The following VRK2 variants were observed in gnomAD, a reference collection of about 807,000 sequenced individuals.
The protein encoded by VRK2 is VRK serine/threonine kinase 2.
In VRK2, 60 loss-of-function variants were observed where a neutral mutation model predicts 57.6. That is an observed-to-expected ratio of 1.04 (90% confidence interval 0.85 to 1.29). The LOEUF (loss-of-function observed/expected upper bound fraction) is 1.29, where lower values mean the gene tolerates loss of function less well. Ranked by LOEUF, VRK2 falls within the 50% of genes most tolerant of loss-of-function variation. The probability of loss-of-function intolerance (pLI) is 0.00; values close to 1 mark genes in which losing one functional copy is unlikely to be tolerated. For synonymous variants in VRK2, 231 were observed against 199.2 expected (o/e 1.16, Z -1.35); for missense variants, 705 against 588.1 (o/e 1.20, Z -2.06).
intron 7 of VRK2, among the ~76,000 whole-genome samples, chr2:58,098,045 T>G (rs549171317): frequency 1.3e-5 from 2 of 152,010 alleles, no homozygotes; most frequent in Non-Finnish European, 2.9e-5. Flanking sequence ...GACAGTGATA[T>G]TCATGATCTT....
At chr2:58,095,769 T>C (rs767835786) in intron 7 of VRK2, among the ~76,000 whole-genome samples, 2 of 152,152 alleles carry the variant, frequency 1.3e-5, no homozygotes, top group Non-Finnish European at 2.9e-5. Flanking sequence ...AATTGCATTG[T>C]CTAATACATT....
chr2:57,962,558 C>T (rs993208622), intron 1 of VRK2, among the ~76,000 whole-genome samples: 6 of 151,996 alleles, frequency 3.9e-5, no homozygotes, highest in African/African-American at 7.2e-5. Context: ...GTTTTTCGAT[C>T]CTCTCCCTCC....
At chr2:58,098,338 C>T (rs769197829) in intron 7 of VRK2, among the ~76,000 whole-genome samples, 5 of 151,964 alleles carry the variant, frequency 3.3e-5, no homozygotes, top group Non-Finnish European at 7.4e-5. Flanking sequence ...ATGTAGCCTA[C>T]GTGTACAGTG....
intron 1 of VRK2, among the ~76,000 whole-genome samples, chr2:57,942,769 A>T (rs1414429707): frequency 6.6e-6 from 1 of 152,200 alleles, no homozygotes; most frequent in Admixed American, 6.5e-5. Flanking sequence ...GTTCAAATTT[A>T]ATATTATCCA....
At chr2:57,912,350 A>G (rs1670013254) in intron 1 of VRK2, among the ~76,000 whole-genome samples, 1 of 152,252 alleles carries the variant, frequency 6.6e-6, no homozygotes, top group African/African-American at 2.4e-5. Flanking sequence ...CAAGGGACAC[A>G]TTACTGCATG....
At chr2:58,091,387 T>A (rs1028629569) in intron 7 of VRK2, among the ~76,000 whole-genome samples, 4 of 152,134 alleles carry the variant, frequency 2.6e-5, no homozygotes, top group African/African-American at 4.8e-5. Context: ...AACCTAAAAC[T>A]TCTCTAAAAA....
intron 8 of VRK2, among the ~76,000 whole-genome samples, chr2:58,127,996 G>A (rs983960561): frequency 7.9e-5 from 12 of 152,056 alleles, no homozygotes; most frequent in Non-Finnish European, 1.6e-4. Flanking sequence ...GGACTAGTTC[G>A]CTAAGATAAC....
chr2:57,908,276 C>T lies in VRK2; in HGVS notation c.-439+437C>T, dbSNP rs367986887. Among the ~76,000 whole-genome samples the T allele has an allele frequency of 3.5e-4, 54 of 152,186 alleles. 1 individual carries two copies. In the South Asian group the frequency reaches 0.011, roughly 30 times the overall value. Reference sequence around the variant, plus strand: ...GTATGATTTAAAGATGTTGCTTTGCCTCTTACAATTTGCACAGCTTTTGCC... The same window carrying T: ...GTATGATTTAAAGATGTTGCTTTGCTTCTTACAATTTGCACAGCTTTTGCC... On this transcript the variant is annotated intron_variant, in intron 1 of 15. Transcript: ENST00000417641.
chr2:57,982,719 C>T (rs542731188), intron 1 of VRK2, among the ~76,000 whole-genome samples: 1 of 152,162 alleles, frequency 6.6e-6, no homozygotes, highest in African/African-American at 2.4e-5. Flanking sequence ...TCAGATCAGA[C>T]TTACCCTGTC....
chr2:58,073,490 G>C (rs1203748041), intron 2 of VRK2, among the ~76,000 whole-genome samples: 1 of 151,638 alleles, frequency 6.6e-6, no homozygotes, highest in Admixed American at 6.6e-5. Flanking sequence ...ACATTCTGTT[G>C]GTAGTATATA....
intron 1 of VRK2, among the ~76,000 whole-genome samples, chr2:58,015,096 G>C (rs990069128): frequency 1.3e-5 from 2 of 152,006 alleles, no homozygotes; most frequent in Non-Finnish European, 2.9e-5. Flanking sequence ...TTTTTATCCT[G>C]GTAGTGGCTA....
intron 8 of VRK2, among the ~76,000 whole-genome samples, chr2:58,131,102 G>T (rs548883992): frequency 1.7e-3 from 253 of 151,836 alleles, no homozygotes; most frequent in Admixed American, 3.0e-3. Context: ...GCCTCTATTT[G>T]GCTCTCCCCC....
At chr2:57,925,290 T>C (rs1406804158) in intron 1 of VRK2, among the ~76,000 whole-genome samples, 1 of 152,160 alleles carries the variant, frequency 6.6e-6, no homozygotes, top group East Asian at 1.9e-4. Context: ...TGATATTAGT[T>C]CTTCAAATGT....
chr2:58,159,473 T>C lies in VRK2; in HGVS notation c.1307T>C (p.Phe436Ser). The change falls in exon 13 of 13, where the codon TTT becomes TCT. Residue 436 changes from phenylalanine to serine, a missense_variant. By Grantham distance (155) the Phe-to-Ser change is radical (BLOSUM62 -2). Transcript: ENST00000340157. ...TCATTTTATGAGCCTCATCAAGATT[T>C]TACCAGTCCAGATATATTCAAGAAG... ...PNSFYEPHQD[F>S]TSPDIFKKSR... 6.2e-7 allele frequency: 1 copy of C among 1,613,776 alleles called. No homozygotes were observed. The highest frequency in any genetic ancestry group is 1.1e-5 in the South Asian group (1 of 91,062).
chr2:57,984,493 G>C (rs754877222), intron 1 of VRK2, among the ~76,000 whole-genome samples: 3 of 152,126 alleles, frequency 2.0e-5, no homozygotes, highest in Non-Finnish European at 4.4e-5. Flanking sequence ...GTATGGATAA[G>C]TGCTAAAAGG....
chr2:57,940,095 A>G (rs1267112895), intron 1 of VRK2, among the ~76,000 whole-genome samples: 1 of 152,172 alleles, frequency 6.6e-6, no homozygotes, highest in Non-Finnish European at 1.5e-5. Flanking sequence ...TGGAAATAAT[A>G]GTTTAGATAT....
chr2:57,915,902 G>A lies in VRK2; in HGVS notation c.-439+8063G>A, dbSNP rs139993097. On this transcript the variant is annotated intron_variant, in intron 1 of 15. Coordinates refer to the VRK2 transcript ENST00000417641. Reference sequence around the variant, plus strand: ...ACCACAAACCCTGCTTGTGAACTGTGCATGTGTGGGATCTAGGTTGCACGC... The same window carrying A: ...ACCACAAACCCTGCTTGTGAACTGTACATGTGTGGGATCTAGGTTGCACGC... Among the ~76,000 whole-genome samples the A allele has an allele frequency of 3.5e-3, 526 of 152,194 alleles. 1 individual carries two copies. Among genetic ancestry groups the A allele is most frequent in the African/African-American group, 0.012 (493 of 41,520 alleles).
At chr2:58,082,962 T>C (rs1228794461) in intron 2 of VRK2, among the ~76,000 whole-genome samples, 1 of 151,662 alleles carries the variant, frequency 6.6e-6, no homozygotes, top group Non-Finnish European at 1.5e-5. Flanking sequence ...ATCTAAGATG[T>C]GAATTAATGG....
intron 1 of VRK2, among the ~76,000 whole-genome samples, chr2:58,006,464 G>C (rs1200854217): frequency 2.0e-5 from 3 of 152,124 alleles, no homozygotes; most frequent in Non-Finnish European, 4.4e-5. Context: ...ACTTATATTG[G>C]AACGGTCTAG....
Sources: gnomAD v4.1 joint callset for allele counts (sites outside exome capture counted in the v4.1 genomes callset) on GRCh38, gnomAD v4.1.1 for gene constraint, MANE v1.5 for transcripts, NCBI Gene and HGNC (gene_info 2026-07-23, HGNC 2026-07-21) for gene names.